Variants in KIAA0232 observed in about 807,000 individuals in gnomAD.
KIAA0232 encodes the protein uncharacterized protein KIAA0232.
KIAA0232 carries 27 observed loss-of-function variants against 122.0 expected under a neutral mutation model. The ratio of observed to expected loss-of-function variants is 0.22; its 90% CI spans 0.16 to 0.31. The LOEUF is 0.31. KIAA0232 is among the 10% of genes least tolerant of loss of function. The probability of loss-of-function intolerance (pLI) is 1.00; values close to 1 mark genes in which losing one functional copy is unlikely to be tolerated. For synonymous variants in KIAA0232, 613 were observed against 587.6 expected (o/e 1.04, Z -0.63); for missense variants, 1,551 against 1,634.2 (o/e 0.95, Z 0.88).
At chr4:6,874,355 C>G (rs1266926088) in intron 8 of KIAA0232, among the ~76,000 whole-genome samples, 3 of 152,122 alleles carry the variant, frequency 2.0e-5, no homozygotes, top group Non-Finnish European at 2.9e-5. Context: ...GTGGCTTGTG[C>G]AGGGACAGGA....
chr4:6,784,502 T>C (rs952973882), intron 1 of KIAA0232, among the ~76,000 whole-genome samples: 2 of 152,176 alleles, frequency 1.3e-5, no homozygotes, highest in African/African-American at 4.8e-5. Context: ...CCATCAGTTA[T>C]TTTGGATTGA....
chr4:6,838,332 G>A (rs1719458400), intron 3 of KIAA0232, among the ~76,000 whole-genome samples: 2 of 152,186 alleles, frequency 1.3e-5, no homozygotes, highest in Non-Finnish European at 2.9e-5. Flanking sequence ...GGGACTGCAG[G>A]TGGACACCAC....
At chr4:6,857,419 A>T (rs1057123053) in intron 5 of KIAA0232, among the ~76,000 whole-genome samples, 189 bp downstream of exon 5, 3 of 152,200 alleles carry the variant, frequency 2.0e-5, no homozygotes, top group South Asian at 2.1e-4. Context: ...CAGACCCAGC[A>T]GTCACTCATA....
chr4:6,791,486 A>G (rs1453322186), intron 1 of KIAA0232, among the ~76,000 whole-genome samples: 1 of 150,060 alleles, frequency 6.7e-6, no homozygotes, highest in Non-Finnish European at 1.5e-5. Context: ...GCACCACCAC[A>G]CCCAGCTAAT....
In KIAA0232 at chr4:6,863,392, A is replaced by G; in HGVS notation, c.3010A>G (p.Ser1004Gly). The change falls in exon 7 of 10, where the codon AGT (serine) becomes GGT (glycine). Residue 1004 changes from serine to glycine, a missense_variant. Physicochemically the swap from Ser to Gly is moderately conservative, Grantham distance 56 (BLOSUM62 0). Around this residue, in one of 5 missense-constraint regions of KIAA0232, gnomAD observed 1,108 missense variants for 1,154.8 expected, o/e 0.96. Transcript: ENST00000307659. Reference sequence around the variant, plus strand: ...ATTTGAACAGAATGATCAGCCGAAGAGTGGGGAAAATGGGTTAAATAAGGG... The same window carrying G: ...ATTTGAACAGAATGATCAGCCGAAGGGTGGGGAAAATGGGTTAAATAAGGG... ...VSFEQNDQPKSGENGLNKGFS... is the reference protein window; with the variant it reads ...VSFEQNDQPKGGENGLNKGFS... 1 of 1,614,190 alleles carries G rather than the reference A, an allele frequency of 6.2e-7. No individual in the cohort carries two copies. The highest frequency in any genetic ancestry group is 8.5e-7 in the Non-Finnish European group (1 of 1,180,036).
intron 2 of KIAA0232, among the ~76,000 whole-genome samples, chr4:6,807,032 G>GTCTATCTATCTATCTATCTA (rs71173468): frequency 2.7e-5 from 4 of 145,748 alleles, no homozygotes; most frequent in Non-Finnish European, 4.5e-5. Flanking sequence ...CTGTCTGTCT[G>GTCTATCTATCTATCTATCTA]TCTATCTATC....
rs550671702 is a variant in KIAA0232 at position 6,827,065 on chromosome 4, T to G, written c.231+2381T>G. On this transcript the variant is annotated intron_variant, in intron 3 of 9. Transcript: ENST00000307659. The stretch of plus-strand genomic sequence containing the variant: ...TAGGGAAAACATAACATGTCTGGAG[T>G]TACAAGGAGAATCCGTAGGGAAATA... Among the ~76,000 whole-genome samples the G allele has an allele frequency of 7.7e-4, 117 of 151,952 alleles. 1 individual carries two copies. Among genetic ancestry groups the G allele is most frequent in the Non-Finnish European group, 1.4e-3 (95 of 67,972 alleles).
intron 3 of KIAA0232, among the ~76,000 whole-genome samples, chr4:6,828,896 A>G (rs1002734897): frequency 3.3e-5 from 5 of 152,166 alleles, no homozygotes; most frequent in Admixed American, 2.6e-4. Context: ...CAGGAAAATT[A>G]GCATTGATGA....
intron 8 of KIAA0232, among the ~76,000 whole-genome samples, chr4:6,873,436 G>A (rs967086870): frequency 2.0e-5 from 3 of 152,220 alleles, no homozygotes; most frequent in Non-Finnish European, 4.4e-5. Flanking sequence ...ATGGAATGAA[G>A]GTGGGATGTG....
chr4:6,820,391 AT>A (rs1264965003), intron 2 of KIAA0232, among the ~76,000 whole-genome samples: 1 of 152,208 alleles, frequency 6.6e-6, no homozygotes, highest in African/African-American at 2.4e-5. Context: ...TGTGGAAAAA[AT>A]TAAGTGGAGG....
chr4:6,811,747 A>ATTTTTTTTTTTTTTTTTTTT (rs10709832), intron 2 of KIAA0232, among the ~76,000 whole-genome samples: 1 of 103,930 alleles, frequency 9.6e-6, no homozygotes, highest in Non-Finnish European at 1.9e-5. Flanking sequence ...GCCTGGCCTA[A>ATTTTTTTTTTTTTTTTTTTT]TTTTTTTTTT....
intron 9 of KIAA0232, 91 bp downstream of exon 9, chr4:6,876,848 G>A (rs988763891): frequency 2.3e-6 from 2 of 854,314 alleles, no homozygotes; most frequent in Non-Finnish European, 3.9e-6. Context: ...AGTCATGTGA[G>A]TGGACCCCAC....
chr4:6,830,403 C>CTTTTTTT (rs10714574), intron 3 of KIAA0232, among the ~76,000 whole-genome samples: 11 of 75,536 alleles, frequency 1.5e-4, no homozygotes, highest in Admixed American at 4.2e-4. Context: ...TCTCTGTTGT[C>CTTTTTTT]TTTTTTTTTT....
rs372985624 is a variant in KIAA0232 at position 6,880,953 on chromosome 4, G to A, written c.4175G>A (p.Arg1392Gln). Residue 1392 changes from arginine to glutamine, a missense_variant, in exon 10 of 10, where the codon CGA becomes CAA. This residue lies in a region of KIAA0232 where 1,108 missense variants were observed against 1,154.8 expected (regional missense o/e 0.96). Coordinates refer to ENST00000307659, the MANE Select transcript of KIAA0232 (RefSeq NM_014743.3). The stretch of plus-strand genomic sequence containing the variant: ...CCTAGTGAAGAGGAGCTCTTTTCTC[G>A]AACTCATCTCTAAACCTGCAAAATA... ...VGPSEEELFS[R>Q]THL 1.7e-5 allele frequency: 27 copies of A among 1,552,090 alleles called. No homozygotes were observed. Among genetic ancestry groups the A allele is most frequent in the East Asian group, 4.7e-5 (2 of 43,004 alleles).
Position 6,824,667 on chromosome 4 carries a change from T to G in KIAA0232, c.214T>G (p.Tyr72Asp). The change falls in exon 3 of 10, where the codon TAC becomes GAC. Residue 72 changes from tyrosine to aspartate, a missense_variant. By Grantham distance (160) the Tyr-to-Asp change is radical. Transcript: ENST00000307659. ...TCTTCTGCTGCATGACAGCTATGACTACGACCTGCAGGAACAGGTATTTAC... is the reference window on the plus strand; with the variant it reads ...TCTTCTGCTGCATGACAGCTATGACGACGACCTGCAGGAACAGGTATTTAC... The part of the protein sequence containing the change: ...LSLLLHDSYD[Y>D]DLQEQENDIF... 6.2e-7 allele frequency: 1 copy of G among 1,614,046 alleles called. No individual in the cohort carries two copies.
At chr4:6,865,836 CT>C (rs1259435741) in intron 7 of KIAA0232, among the ~76,000 whole-genome samples, 1 of 152,234 alleles carries the variant, frequency 6.6e-6, no homozygotes, top group Non-Finnish European at 1.5e-5. Flanking sequence ...AATTTTGCCC[CT>C]CTCTTAATTT....
At position 6,815,902 on chromosome 4, in the gene KIAA0232, G is replaced by A. The variant is rs144264024; in HGVS notation, c.-269-8283G>A. Among the ~76,000 whole-genome samples the A allele has an allele frequency of 4.3e-4, 66 of 152,262 alleles. 1 individual carries two copies. The East Asian group carries it at 9.8e-3, about 23-fold the overall frequency. On this transcript the variant is annotated intron_variant, in intron 2 of 9. Coordinates refer to ENST00000307659, the MANE Select transcript of KIAA0232 (RefSeq NM_014743.3). Reference sequence around the variant, plus strand: ...GCTTTGCTTTATTTTGCCTTCGTATGCTGATTTTGTCTCACCTCCTTGAAT... The same window carrying A: ...GCTTTGCTTTATTTTGCCTTCGTATACTGATTTTGTCTCACCTCCTTGAAT...
At chr4:6,786,984 C>T (rs1716652116) in intron 1 of KIAA0232, among the ~76,000 whole-genome samples, 1 of 151,832 alleles carries the variant, frequency 6.6e-6, no homozygotes, top group Non-Finnish European at 1.5e-5. Flanking sequence ...AGAGTGAGAC[C>T]ATCCTGGCCA....
chr4:6,838,568 T>G (rs2109116286), intron 3 of KIAA0232, among the ~76,000 whole-genome samples: 1 of 152,260 alleles, frequency 6.6e-6, no homozygotes, highest in South Asian at 2.1e-4. Context: ...GATAGATATA[T>G]TATTATTCTT....
Sources: allele counts gnomAD v4.1 joint callset (sites outside exome capture counted in the v4.1 genomes callset), GRCh38; gene constraint gnomAD v4.1.1; regional missense constraint gnomAD v4.1.1; transcripts MANE v1.5; gene names NCBI Gene and HGNC (gene_info 2026-07-23, HGNC 2026-07-21).